SCLY: variants seen among roughly 807,000 people sequenced by gnomAD.
SCLY encodes the protein selenocysteine lyase.
A neutral mutation model predicts 50.1 loss-of-function variants in SCLY; 38 were observed. That is an observed-to-expected ratio of 0.76 (90% CI 0.59 to 0.99). The LOEUF is 0.99. Among genes scored for constraint, SCLY ranks in the 50% least tolerant of loss-of-function variants. The pLI, the probability that SCLY is intolerant of heterozygous loss-of-function variation, is 0.00. For missense variants in SCLY, 600 were observed against 620.0 expected (o/e 0.97, Z 0.34); for synonymous variants, 243 against 249.4 (o/e 0.97, Z 0.24).
Position 238,068,137 on chromosome 2 carries a change from A to G in SCLY, c.275A>G (p.Asp92Gly), listed in dbSNP as rs751821209. The G allele has an allele frequency of 8.1e-6, 13 of 1,610,852 alleles. No homozygotes were observed. In the African/African-American group the frequency reaches 1.5e-4, roughly 18 times the overall value. Residue 92 changes from aspartate to glycine, a missense_variant, in exon 3 of 12, where the codon GAT becomes GGT. By Grantham distance (94) the Asp-to-Gly change is moderately conservative. Transcript: ENST00000254663. ...AAGATGATAGGGGGGAAACCTCAAG[A>G]TATAATCTTCACTTCCGGGGGCACT... The part of the protein sequence containing the change: ...LAKMIGGKPQ[D>G]IIFTSGGTES...
chr2:238,067,391 A>G lies in SCLY; in HGVS notation c.203-674A>G, dbSNP rs1309675808. On this transcript the variant is annotated intron_variant, in intron 2 of 11. Coordinates refer to ENST00000254663, the MANE Select transcript of SCLY (RefSeq NM_016510.7). The surrounding 1 kb of genome is among the most constrained non-coding windows in gnomAD (Gnocchi z 4.3). Reference sequence around the variant, plus strand: ...TTTTTAAATAAGACTGAATGGTCAAAAAAGTTTGGGGACTCCTGGTGTGTA... The same window carrying G: ...TTTTTAAATAAGACTGAATGGTCAAGAAAGTTTGGGGACTCCTGGTGTGTA... Among the ~76,000 whole-genome samples, 3 of 152,200 alleles carry G rather than the reference A, an allele frequency of 2.0e-5. No individual in the cohort carries two copies. Among genetic ancestry groups the G allele is most frequent in the Non-Finnish European group, 4.4e-5 (3 of 68,038 alleles).
At chr2:238,088,967 A>G (rs1389310553) in intron 7 of SCLY, among the ~76,000 whole-genome samples, 1 of 152,238 alleles carries the variant, frequency 6.6e-6, no homozygotes, top group Non-Finnish European at 1.5e-5. Flanking sequence ...ATCAGAATGG[A>G]AGAGGTAAAA....
At position 238,082,108 on chromosome 2, in the gene SCLY, C is replaced by A. The variant is rs1456868573; in HGVS notation, c.676C>A (p.Pro226Thr). The change falls in exon 6 of 12, where the codon CCT becomes ACT. Residue 226 changes from proline to threonine, a missense_variant. Physicochemically the swap from Pro to Thr is conservative, Grantham distance 38. Transcript: ENST00000254663. ...CCAGGAACGGGTGGCAGCTGGGCTA[C>A]CTCCCATCCTCGTGCACACGGATGC... ...LNQERVAAGL[P>T]PILVHTDAAQ... The A allele has an allele frequency of 3.7e-6, 6 of 1,613,460 alleles. No homozygotes were observed. Among genetic ancestry groups the A allele is most frequent in the Non-Finnish European group, 5.1e-6 (6 of 1,180,020 alleles).
chr2:238,094,370 G>A, intron 9 of SCLY, 50 bp from the exon 10 acceptor site: 2 of 1,433,852 alleles, frequency 1.4e-6, no homozygotes, highest in Middle Eastern at 3.5e-4. Context: ...ACAGTTGCTG[G>A]TGGTGGTGTC....
At chr2:238,094,049 C>T in intron 9 of SCLY, 105 bp downstream of exon 9, 1 of 1,005,562 alleles carries the variant, frequency 9.9e-7, no homozygotes, top group Non-Finnish European at 1.5e-6. Context: ...GTGGGGATTG[C>T]AGCGTAGCCT....
chr2:238,087,161 C>CAA (rs34951361), intron 7 of SCLY, among the ~76,000 whole-genome samples: 1,563 of 124,076 alleles, frequency 0.013, 13 homozygotes, highest in Non-Finnish European at 0.019. Context: ...CCTGTTTCTA[C>CAA]AAAAAAAAAA....
intron 7 of SCLY, among the ~76,000 whole-genome samples, chr2:238,086,171 A>G (rs1240500586): frequency 2.0e-5 from 3 of 152,366 alleles, no homozygotes; most frequent in South Asian, 2.1e-4. Context: ...TATATCTTTC[A>G]GGAATGAAGA....
At chr2:238,071,410 C>G (rs1488467999) in intron 4 of SCLY, among the ~76,000 whole-genome samples, 1 of 152,048 alleles carries the variant, frequency 6.6e-6, no homozygotes, top group Non-Finnish European at 1.5e-5. Flanking sequence ...AATTTGAGAC[C>G]AGCCTGGCCA....
At position 238,073,045 on chromosome 2, in the gene SCLY, G is replaced by T. The variant is rs182248877; in HGVS notation, c.484+3568G>T. Among the ~76,000 whole-genome samples, 17 of 152,320 alleles carry T rather than the reference G, an allele frequency of 1.1e-4. No individual in the cohort carries two copies. In the East Asian group the frequency reaches 3.3e-3, roughly 29 times the overall value. ...ATTTTGAGTTAATTTTGTGTGTGGT[G>T]TGAGGGAGGAGTCCAAATTTACTTT... On this transcript the variant is annotated intron_variant, in intron 4 of 11. Transcript: ENST00000254663.
intron 2 of SCLY, 32 bp from the exon 3 acceptor site, chr2:238,068,033 A>G (rs780960528): frequency 6.7e-7 from 1 of 1,500,468 alleles, no homozygotes; most frequent in East Asian, 2.3e-5. Flanking sequence ...TGGTGAAGCA[A>G]TGTTAATGAA....
chr2:238,098,504 C>G lies in SCLY; in HGVS notation c.*149C>G, dbSNP rs1352619292. 21 of 926,136 alleles carry G rather than the reference C, an allele frequency of 2.3e-5. No individual in the cohort carries two copies. The highest frequency in any genetic ancestry group is 3.1e-5 in the Non-Finnish European group (20 of 637,244). The allele number at this position is 926,136 out of a possible 1,614,324, so 57.4% of individuals were successfully genotyped here. ...CTGGAGTGCCAGCGAGTGTGCACCC[C>G]CAGTTTCCTTCCCTGGACCCCTGCA... On this transcript the variant is annotated 3_prime_UTR_variant, in exon 12 of 12. Transcript: ENST00000254663.
intron 6 of SCLY, 91 bp downstream of exon 6, chr2:238,082,300 G>A (rs761121482): frequency 3.9e-5 from 52 of 1,326,270 alleles, no homozygotes; most frequent in South Asian, 3.7e-4. Flanking sequence ...ACTGCCCACC[G>A]TGAGCCAGGC....
intron 8 of SCLY, 62 bp from the exon 9 acceptor site, chr2:238,093,799 C>A: frequency 6.7e-7 from 1 of 1,489,530 alleles, no homozygotes; most frequent in Admixed American, 1.9e-5. Context: ...CCGTTGAAAG[C>A]TTTTTGGCCC....
chr2:238,083,038 G>C lies in SCLY; in HGVS notation c.778-210G>C. ...AGCTGAGCACGAGAGTCTAGCACCT[G>C]CGCTGCCTCCTAGGTTGGGGTTCCA... On this transcript the variant is annotated intron_variant, in intron 6 of 11. Transcript: ENST00000254663. The surrounding 1 kb of genome is among the most constrained non-coding windows in gnomAD (Gnocchi z 4.3). 1.5e-6 allele frequency: 1 copy of C among 651,526 alleles called. No homozygotes were observed. The highest frequency in any genetic ancestry group is 1.5e-5 in the South Asian group (1 of 65,732). 40.4% of individuals were successfully genotyped at this position (651,526 alleles called of 1,614,324 possible).
intron 6 of SCLY, among the ~76,000 whole-genome samples, chr2:238,082,438 TG>T (rs1168930017): frequency 6.6e-5 from 10 of 151,452 alleles, no homozygotes; most frequent in Admixed American, 1.3e-4. Flanking sequence ...CCAGCCCACA[TG>T]GGGCAGGGTG....
chr2:238,084,188 C>T (rs1180982957), intron 7 of SCLY, among the ~76,000 whole-genome samples: 1 of 152,194 alleles, frequency 6.6e-6, no homozygotes, highest in African/African-American at 2.4e-5. Flanking sequence ...AGAACCGGGA[C>T]TTAGGCACTC....
At chr2:238,097,644 G>T (rs539744181) in intron 11 of SCLY, among the ~76,000 whole-genome samples, 3 of 152,122 alleles carry the variant, frequency 2.0e-5, no homozygotes, top group African/African-American at 7.2e-5. Flanking sequence ...GTGCCCTGCT[G>T]CAGGAGGGGC....
intron 11 of SCLY, among the ~76,000 whole-genome samples, chr2:238,097,220 A>G (rs1334291268): frequency 1.3e-5 from 2 of 151,646 alleles, no homozygotes; most frequent in African/African-American, 2.4e-5. Flanking sequence ...GCTTACTTAA[A>G]CCTCATGGAA....
rs138277916 is a variant in SCLY at position 238,089,713 on chromosome 2, C to T, written c.885-1505C>T. Reference sequence around the variant, plus strand: ...ATTTTATATGTGGCCCAAGACAATTCTTCCAGTGTGGCCTAGGGAAGCCAA... The same window carrying T: ...ATTTTATATGTGGCCCAAGACAATTTTTCCAGTGTGGCCTAGGGAAGCCAA... On this transcript the variant is annotated intron_variant, in intron 7 of 11. Transcript: ENST00000254663. Among the ~76,000 whole-genome samples, 3 of 147,802 alleles carry T rather than the reference C, an allele frequency of 2.0e-5. No homozygotes were observed. The East Asian group carries it at 5.9e-4, about 29-fold the overall frequency.
Sources: allele counts gnomAD v4.1 joint callset (sites outside exome capture counted in the v4.1 genomes callset), GRCh38; gene constraint gnomAD v4.1.1; non-coding constraint Gnocchi (gnomAD v3.1); transcripts MANE v1.5; gene names NCBI Gene and HGNC (gene_info 2026-07-23, HGNC 2026-07-21).